The following SLC3A1 variants were observed in gnomAD, a reference collection of about 807,000 sequenced individuals.
SLC3A1 encodes the protein amino acid transporter heavy chain SLC3A1.
Under a neutral mutation model 60.3 loss-of-function variants are expected in SLC3A1, and 78 were observed. The ratio of observed to expected loss-of-function variants is 1.29; its 90% CI spans 1.08 to 1.56. The LOEUF is 1.56. SLC3A1 is among the 40% of genes most tolerant of loss of function. The probability of loss-of-function intolerance (pLI) is 0.00; values close to 1 mark genes in which losing one functional copy is unlikely to be tolerated. For synonymous variants in SLC3A1, 392 were observed against 307.9 expected (o/e 1.27, Z -2.86); for missense variants, 1,172 against 858.9 (o/e 1.36, Z -4.56).
intron 7 of SLC3A1, 62 bp from the exon 8 acceptor site, chr2:44,312,524 T>C: frequency 4.5e-6 from 7 of 1,561,834 alleles, no homozygotes; most frequent in South Asian, 1.1e-5. Context: ...TTCTGTGAAA[T>C]AGGGTAAATC....
rs765297932 is a variant in SLC3A1, at chr2:44,321,308, CTA to C, written c.*671_*672del. Reference sequence around the variant, plus strand: ...TTTGCTAACTCAATTGGAAGTAAGACTATGAAATATTTCAGTGTGTTTCCAAT... The same window carrying C: ...TTTGCTAACTCAATTGGAAGTAAGACTGAAATATTTCAGTGTGTTTCCAAT... On this transcript the variant is annotated 3_prime_UTR_variant, in exon 10 of 10. Coordinates refer to ENST00000260649, the MANE Select transcript of SLC3A1 (RefSeq NM_000341.4). The C allele has an allele frequency of 6.3e-6, 9 of 1,436,302 alleles. No homozygotes were observed. The highest frequency in any genetic ancestry group is 2.4e-5 in the South Asian group (2 of 83,268). 89.0% of individuals were successfully genotyped at this position (1,436,302 alleles called of 1,614,324 possible). A position where few individuals can be genotyped will look rare whatever the true frequency, so the allele number is the denominator to read the frequency against.
chr2:44,298,659 T>C (rs1266530855), intron 4 of SLC3A1, among the ~76,000 whole-genome samples: 2 of 152,180 alleles, frequency 1.3e-5, no homozygotes, highest in Non-Finnish European at 2.9e-5. Flanking sequence ...ATTATAGGCG[T>C]GAGCCGCTGC....
rs1392412944 is a variant in SLC3A1 at position 44,320,653 on chromosome 2, G to A, written c.*14G>A. 5.0e-6 allele frequency: 8 copies of A among 1,602,346 alleles called. No homozygotes were observed. In the Admixed American group the frequency reaches 1.0e-4, roughly 20 times the overall value. On this transcript the variant is annotated 3_prime_UTR_variant, in exon 10 of 10. Coordinates refer to ENST00000260649, the MANE Select transcript of SLC3A1 (RefSeq NM_000341.4). ...ACCTCGTGTTAGGCACCTTTATGAA[G>A]AGATGAAGACACTGGCATTTCAGTG...
At chr2:44,282,197 TC>T (rs1671514837) in intron 3 of SLC3A1, among the ~76,000 whole-genome samples, 1 of 152,070 alleles carries the variant, frequency 6.6e-6, no homozygotes, top group Non-Finnish European at 1.5e-5. Flanking sequence ...ACTTTTTGTC[TC>T]CTCTGTCTGA....
chr2:44,286,416 C>A (rs1382821141), intron 4 of SLC3A1, among the ~76,000 whole-genome samples: 2 of 152,226 alleles, frequency 1.3e-5, no homozygotes, highest in Non-Finnish European at 1.5e-5. Context: ...TCATCTAACT[C>A]AGAGTACCCT....
intron 7 of SLC3A1, 30 bp from the exon 8 acceptor site, chr2:44,312,556 G>A (rs1191326231): frequency 2.5e-6 from 4 of 1,610,814 alleles, no homozygotes; most frequent in Non-Finnish European, 3.4e-6. Flanking sequence ...TGTGTATACA[G>A]CTGTGTTCTT....
Position 44,299,933 on chromosome 2 carries a change from A to G in SLC3A1, c.892-38A>G, listed in dbSNP as rs199768957. ...TGATTAAACGTTGTGATAATAACGTAGTTAATGTAACCAAGCATTTTGCTT... is the reference window on the plus strand; with the variant it reads ...TGATTAAACGTTGTGATAATAACGTGGTTAATGTAACCAAGCATTTTGCTT... On this transcript the variant is annotated intron_variant, in intron 4 of 9. Transcript: ENST00000260649. 1.9e-3 allele frequency: 3,116 copies of G among 1,610,238 alleles called. 8 individuals are homozygous for G. Among genetic ancestry groups the G allele is most frequent in the Admixed American group, 2.1e-3 (126 of 60,016 alleles).
Position 44,320,655 on chromosome 2 carries a change from G to C in SLC3A1, c.*16G>C. The stretch of plus-strand genomic sequence containing the variant: ...CTCGTGTTAGGCACCTTTATGAAGA[G>C]ATGAAGACACTGGCATTTCAGTGGG... On this transcript the variant is annotated 3_prime_UTR_variant, in exon 10 of 10. Coordinates refer to ENST00000260649, the MANE Select transcript of SLC3A1 (RefSeq NM_000341.4). 2 of 1,597,498 alleles carry C rather than the reference G, an allele frequency of 1.3e-6. No individual in the cohort carries two copies. Among genetic ancestry groups the C allele is most frequent in the Non-Finnish European group, 1.7e-6 (2 of 1,165,008 alleles).
At chr2:44,319,173 C>T (rs1672703062) in intron 9 of SLC3A1, 1 of 152,528 alleles carries the variant, frequency 6.6e-6, no homozygotes. Context: ...TATTTAAAGA[C>T]CACATATTGG....
chr2:44,276,445 T>C (rs1005055758), intron 1 of SLC3A1, among the ~76,000 whole-genome samples: 3 of 152,142 alleles, frequency 2.0e-5, no homozygotes, highest in African/African-American at 7.2e-5. Flanking sequence ...GTAAAAAGTA[T>C]AGGCTGAGTC....
intron 5 of SLC3A1, 71 bp from the exon 6 acceptor site, chr2:44,300,932 A>G: frequency 1.3e-6 from 2 of 1,599,096 alleles, no homozygotes; most frequent in South Asian, 1.1e-5. Context: ...GGTTGTCTAC[A>G]TTCATATAGA....
At chr2:44,290,231 A>G (rs978097676) in intron 4 of SLC3A1, among the ~76,000 whole-genome samples, 3 of 151,934 alleles carry the variant, frequency 2.0e-5, no homozygotes, top group African/African-American at 7.3e-5. Flanking sequence ...TTGAAAATCA[A>G]TTGACCATAA....
Position 44,301,035 on chromosome 2 carries a change from T to C in SLC3A1, c.1044T>C (p.His348=). Residue 348 remains histidine (H), a synonymous_variant, in exon 6 of 10, where the codon CAT becomes CAC. Transcript: ENST00000260649. ...DTVTQYSELY[H]DFTTTQVGMH... is the part of the protein sequence containing the mutation. ...TCACACAATACTCGGAGCTGTACCA[T>C]GACTTCACCACCACGCAGGTGGGAA... 6.2e-7 allele frequency: 1 copy of C among 1,614,170 alleles called. No individual in the cohort carries two copies. The highest frequency in any genetic ancestry group is 1.3e-5 in the African/African-American group (1 of 75,046).
intron 8 of SLC3A1, 79 bp downstream of exon 8, chr2:44,312,832 A>C: frequency 8.6e-7 from 1 of 1,157,618 alleles, no homozygotes; most frequent in Non-Finnish European, 1.3e-6. Flanking sequence ...AAATCAGAGA[A>C]CTTACTATCT....
At chr2:44,314,048 G>A (rs776481749) in intron 9 of SLC3A1, 97 bp downstream of exon 9, 21 of 1,582,138 alleles carry the variant, frequency 1.3e-5, no homozygotes, top group African/African-American at 6.8e-5. Context: ...AAACCTTAAC[G>A]GATACTCTTT....
Position 44,304,186 on chromosome 2 carries a change from G to A in SLC3A1, c.1180G>A (p.Val394Met), listed in dbSNP as rs780321792. Residue 394 changes from valine to methionine, a missense_variant, in exon 7 of 10, where the codon GTG becomes ATG. By Grantham distance (21) the Val-to-Met change is conservative. Transcript: ENST00000260649. ...CTATGCAGAGAGTATTGACAGGACC[G>A]TGATGTACTATGGATTGCCATTTAT... ...EAYAESIDRT[V>M]MYYGLPFIQE... 6 of 1,614,062 alleles carry A rather than the reference G, an allele frequency of 3.7e-6. No individual in the cohort carries two copies. The highest frequency in any genetic ancestry group is 2.2e-5 in the East Asian group (1 of 44,880).
intron 6 of SLC3A1, among the ~76,000 whole-genome samples, chr2:44,303,436 C>T (rs1002510827): frequency 4.0e-5 from 6 of 151,544 alleles, no homozygotes; most frequent in Non-Finnish European, 8.8e-5. Context: ...GATGTTTCTC[C>T]ACGTTGGCCA....
chr2:44,289,684 G>A (rs1671695241), intron 4 of SLC3A1, among the ~76,000 whole-genome samples: 1 of 152,098 alleles, frequency 6.6e-6, no homozygotes, highest in Non-Finnish European at 1.5e-5. Context: ...AGGCTGGGGT[G>A]CAGTGGCGCA....
At chr2:44,277,338 C>T (rs751386034) in intron 1 of SLC3A1, among the ~76,000 whole-genome samples, 3 of 151,994 alleles carry the variant, frequency 2.0e-5, no homozygotes, top group Non-Finnish European at 2.9e-5. Flanking sequence ...AACTCCTGAC[C>T]TCAGGTGATT....
Sources: gnomAD v4.1 joint callset for allele counts (sites outside exome capture counted in the v4.1 genomes callset) on GRCh38, gnomAD v4.1.1 for gene constraint, MANE v1.5 for transcripts, NCBI Gene and HGNC (gene_info 2026-07-23, HGNC 2026-07-21) for gene names.